PAX7: variants seen among roughly 807,000 people sequenced by gnomAD.
PAX7 encodes the protein paired box 7, also known as paired box protein Pax-7.
In PAX7, 18 loss-of-function variants were observed where a neutral mutation model predicts 50.7. The observed-to-expected ratio is 0.36, with a 90% CI of 0.25 to 0.53. PAX7 has a LOEUF of 0.53. Among genes scored for constraint, PAX7 ranks in the 20% least tolerant of loss-of-function variants. PAX7 has a pLI of 0.93. For missense variants in PAX7, 644 were observed against 702.9 expected (o/e 0.92, Z 0.95); for synonymous variants, 310 against 290.4 (o/e 1.07, Z -0.69).
At chr1:18,732,239 G>A (rs114953080) in intron 7 of PAX7, among the ~76,000 whole-genome samples, 63 of 152,234 alleles carry the variant, frequency 4.1e-4, no homozygotes, top group African/African-American at 1.3e-3. Flanking sequence ...TGTCAGCTTC[G>A]TTCCTTAGGC....
intron 4 of PAX7, among the ~76,000 whole-genome samples, chr1:18,688,551 C>T (rs907036854): frequency 6.6e-6 from 1 of 152,196 alleles, no homozygotes; most frequent in African/African-American, 2.4e-5. Flanking sequence ...TTTCCGTCAT[C>T]GCAGAAACTT....
chr1:18,724,480 G>A (rs149320856), intron 7 of PAX7, among the ~76,000 whole-genome samples: 43 of 152,314 alleles, frequency 2.8e-4, no homozygotes, highest in Non-Finnish European at 5.1e-4. Context: ...AAACCAATCC[G>A]TAACTTCGAG....
chr1:18,651,975 A>T lies in PAX7; in HGVS notation c.586+15604A>T, dbSNP rs1239033961. Among the ~76,000 whole-genome samples, 3 of 151,998 alleles carry T rather than the reference A, an allele frequency of 2.0e-5. No individual in the cohort carries two copies. In the East Asian group the frequency reaches 5.8e-4, roughly 29 times the overall value. ...TTTCAGGCACTTAATTAGACCCGGG[A>T]CAAGAATGGAAGTTGGCTCTCAGGT... On this transcript the variant is annotated intron_variant, in intron 4 of 8. Coordinates refer to ENST00000420770, the MANE Select transcript of PAX7 (RefSeq NM_001135254.2).
At chr1:18,645,530 C>G (rs1197632238) in intron 4 of PAX7, among the ~76,000 whole-genome samples, 2 of 152,232 alleles carry the variant, frequency 1.3e-5, no homozygotes, top group Non-Finnish European at 2.9e-5. Flanking sequence ...TCTACAGTCC[C>G]AAGCCTCCGC....
intron 4 of PAX7, among the ~76,000 whole-genome samples, chr1:18,652,058 G>C (rs746104272): frequency 1.3e-5 from 2 of 151,950 alleles, no homozygotes; most frequent in African/African-American, 4.8e-5. Flanking sequence ...AAGGCTCACC[G>C]GCCCCCTGGC....
chr1:18,641,206 G>A (rs535046483), intron 4 of PAX7, among the ~76,000 whole-genome samples: 1 of 152,356 alleles, frequency 6.6e-6, no homozygotes, highest in East Asian at 1.9e-4. Context: ...TAAGGTTGGA[G>A]GGGGATGAAT....
At chr1:18,674,684 G>A (rs192124170) in intron 4 of PAX7, among the ~76,000 whole-genome samples, 1 of 152,216 alleles carries the variant, frequency 6.6e-6, no homozygotes, top group Non-Finnish European at 1.5e-5. Context: ...GCATGGCACC[G>A]CTGTCTGTCC....
chr1:18,651,821 G>A (rs931875730), intron 4 of PAX7, among the ~76,000 whole-genome samples: 12 of 19,268 alleles, frequency 6.2e-4, no homozygotes, highest in African/African-American at 2.5e-3. Flanking sequence ...TCCCCTCCCC[G>A]CCCCCCCCAC....
At chr1:18,684,574 T>G (rs2088947632) in intron 4 of PAX7, among the ~76,000 whole-genome samples, 1 of 152,218 alleles carries the variant, frequency 6.6e-6, no homozygotes, top group Admixed American at 6.5e-5. Flanking sequence ...GCCCTTGCCA[T>G]GGTCCCGGCT....
chr1:18,660,991 G>C (rs2088592283), intron 4 of PAX7, among the ~76,000 whole-genome samples: 1 of 152,182 alleles, frequency 6.6e-6, no homozygotes, highest in Non-Finnish European at 1.5e-5. Context: ...AAGGGCTTCA[G>C]AGTGCTAGAG....
Position 18,631,382 on chromosome 1 carries a change from C to T in PAX7, c.-222C>T, listed in dbSNP as rs1020710432. The T allele has an allele frequency of 1.4e-5, 8 of 553,738 alleles. No homozygotes were observed. The highest frequency in any genetic ancestry group is 2.6e-5 in the Non-Finnish European group (8 of 308,010). 34.3% of individuals were successfully genotyped at this position (553,738 alleles called of 1,614,324 possible). On this transcript the variant is annotated 5_prime_UTR_variant, in exon 1 of 9. Transcript: ENST00000420770. ...CCTCGTCGTCGCCACCTTCCCTCCC[C>T]CCAACCTCCACCCCACCTCACCCCC...
intron 7 of PAX7, among the ~76,000 whole-genome samples, chr1:18,732,955 C>G (rs1226616420): frequency 1.3e-5 from 2 of 152,172 alleles, no homozygotes; most frequent in African/African-American, 4.8e-5. Flanking sequence ...AACTGTCCTT[C>G]TGAAAGAAGT....
Position 18,735,418 on chromosome 1 carries a change from A to T in PAX7, c.1156-214A>T, listed in dbSNP as rs1406604913. The stretch of plus-strand genomic sequence containing the variant: ...TCAGTGGAAGGAGGATCCCTGGGTC[A>T]GGACCCTCCTTCAAGAGAAACACCG... On this transcript the variant is annotated intron_variant, in intron 7 of 8. Coordinates refer to ENST00000420770, the MANE Select transcript of PAX7 (RefSeq NM_001135254.2). This position sits in a 1 kb window ranked among gnomAD's most constrained non-coding sequence, Gnocchi z 4.0. Among the ~76,000 whole-genome samples, 1 of 152,202 alleles carries T rather than the reference A, an allele frequency of 6.6e-6. No individual in the cohort carries two copies. The highest frequency in any genetic ancestry group is 1.5e-5 in the Non-Finnish European group (1 of 68,020).
intron 4 of PAX7, among the ~76,000 whole-genome samples, chr1:18,681,691 A>ATTTAT (rs202204301): frequency 0.033 from 4,570 of 137,964 alleles, 96 homozygotes; most frequent in East Asian, 0.065. Context: ...AGGGCTTAGA[A>ATTTAT]TTTATTTTAT....
intron 4 of PAX7, among the ~76,000 whole-genome samples, chr1:18,639,646 T>G (rs2088219170): frequency 6.6e-6 from 1 of 152,154 alleles, no homozygotes; most frequent in Non-Finnish European, 1.5e-5. Flanking sequence ...GGAAAAGATT[T>G]TCATAGAATC....
chr1:18,669,225 G>A (rs149324782), intron 4 of PAX7, among the ~76,000 whole-genome samples: 4 of 152,304 alleles, frequency 2.6e-5, no homozygotes. Flanking sequence ...AGGGCACCAG[G>A]ATTCAAACCT....
chr1:18,699,435 T>C (rs1448493183), intron 5 of PAX7, among the ~76,000 whole-genome samples: 2 of 152,046 alleles, frequency 1.3e-5, no homozygotes, highest in African/African-American at 4.8e-5. Flanking sequence ...GGGAACAGCA[T>C]GTGCAAAGCT....
rs776174751 is a variant in PAX7 at position 18,634,012 on chromosome 1, C to T, written c.86-291C>T. On this transcript the variant is annotated intron_variant, in intron 1 of 8. Coordinates refer to ENST00000420770, the MANE Select transcript of PAX7 (RefSeq NM_001135254.2). This position sits in a 1 kb window ranked among gnomAD's most constrained non-coding sequence, Gnocchi z 4.0. ...CCTTCTTAGCAGCATTCGAATCCCCCAGGTGTGTCCTCATCCCTCGTAGTG... is the reference window on the plus strand; with the variant it reads ...CCTTCTTAGCAGCATTCGAATCCCCTAGGTGTGTCCTCATCCCTCGTAGTG... Among the ~76,000 whole-genome samples, 2 of 152,230 alleles carry T rather than the reference C, an allele frequency of 1.3e-5. No homozygotes were observed. Among genetic ancestry groups the T allele is most frequent in the Non-Finnish European group, 2.9e-5 (2 of 68,038 alleles).
chr1:18,641,967 T>A (rs928031711), intron 4 of PAX7, among the ~76,000 whole-genome samples: 11 of 113,338 alleles, frequency 9.7e-5, no homozygotes, highest in Admixed American at 8.9e-4. Context: ...CCCCCCCAAC[T>A]CCCGCGGCCC....
Sources: gnomAD v4.1 joint callset for allele counts (sites outside exome capture counted in the v4.1 genomes callset) on GRCh38, gnomAD v4.1.1 for gene constraint, Gnocchi (gnomAD v3.1) non-coding constraint, MANE v1.5 for transcripts, NCBI Gene and HGNC (gene_info 2026-07-23, HGNC 2026-07-21) for gene names.